SPATA9: variants seen among roughly 807,000 people sequenced by gnomAD.
SPATA9 encodes spermatogenesis associated 9.
SPATA9 carries 27 observed loss-of-function variants against 25.5 expected under a neutral mutation model. That is an observed-to-expected ratio of 1.06 (90% CI 0.78 to 1.46). The LOEUF (loss-of-function observed/expected upper bound fraction) is 1.46, where lower values mean the gene tolerates loss of function less well. SPATA9 is among the 40% of genes most tolerant of loss of function. The probability of loss-of-function intolerance (pLI) is 0.00; values close to 1 mark genes in which losing one functional copy is unlikely to be tolerated. For missense variants in SPATA9, 282 were observed against 297.5 expected (o/e 0.95, Z 0.38); for synonymous variants, 102 against 105.7 (o/e 0.97, Z 0.21).
intron 1 of SPATA9, among the ~76,000 whole-genome samples, chr5:95,692,616 A>G (rs556742898): frequency 6.6e-6 from 1 of 152,152 alleles, no homozygotes; most frequent in East Asian, 1.9e-4. Context: ...TAATGAAAGT[A>G]CTCTAAATAT....
chr5:95,701,074 T>C (rs538360591), upstream of SPATA9, among the ~76,000 whole-genome samples: 270 of 152,362 alleles, frequency 1.8e-3, no homozygotes, highest in South Asian at 6.8e-3. Flanking sequence ...GTAACACATA[T>C]GTATTTTACA....
At chr5:95,685,134 C>T (rs2112698043), upstream of SPATA9, among the ~76,000 whole-genome samples, 1 of 152,282 alleles carries the variant, frequency 6.6e-6, no homozygotes, top group African/African-American at 2.4e-5. Flanking sequence ...AAGCCTCTTA[C>T]CTTTTAAAAA....
At chr5:95,713,577 C>A in the SPATA9 span, 1 of 152,268 alleles carries the variant, frequency 6.6e-6, no homozygotes, top group Non-Finnish European at 1.5e-5. Flanking sequence ...GAATCCTGTA[C>A]AGCCTGCAGA....
the SPATA9 span, chr5:95,731,131 T>C: frequency 9.7e-7 from 1 of 1,026,670 alleles, no homozygotes; most frequent in Non-Finnish European, 1.2e-6. Context: ...TATTAATTTA[T>C]ATTCCGCGGC....
chr5:95,669,057 G>T (rs1467694434), intron 3 of SPATA9, among the ~76,000 whole-genome samples: 1 of 152,200 alleles, frequency 6.6e-6, no homozygotes, highest in Non-Finnish European at 1.5e-5. Context: ...CTGCACAAAT[G>T]TGTCTTTACT....
At chr5:95,715,322 CA>C in the SPATA9 span, among the ~76,000 whole-genome samples, 2,758 of 67,238 alleles carry the variant, frequency 0.041, 54 homozygotes, top group African/African-American at 0.11. Flanking sequence ...GATTCCATCT[CA>C]AAAAAAAAAA....
the SPATA9 span, among the ~76,000 whole-genome samples, chr5:95,722,495 G>A: frequency 6.6e-6 from 1 of 151,956 alleles, no homozygotes; most frequent in African/African-American, 2.4e-5. Context: ...TAATGTAAAA[G>A]AGGTTTTTTT....
intron 2 of SPATA9, among the ~76,000 whole-genome samples, chr5:95,681,413 C>G (rs760980331): frequency 1.9e-4 from 29 of 152,154 alleles, no homozygotes; most frequent in Non-Finnish European, 7.3e-5. Flanking sequence ...ACCTTGAAAA[C>G]TACTATTCAT....
At chr5:95,731,553 G>A in the SPATA9 span, 1 of 1,454,246 alleles carries the variant, frequency 6.9e-7, no homozygotes. Flanking sequence ...GCCCCGCCGC[G>A]GTGGAGGCGC....
rs1404942867 is a variant in SPATA9, at chr5:95,680,714, A to G, written c.150+1814T>C. ...TATACACTATAACAACACACTATAC[A>G]CTGATGATTCCCAAATATACATCTT... On this transcript the variant is annotated intron_variant, in intron 2 of 4. Coordinates refer to ENST00000274432, the MANE Select transcript of SPATA9 (RefSeq NM_031952.4). 5.3e-5 allele frequency among the ~76,000 whole-genome samples: 8 copies of G among 152,118 alleles called. No homozygotes were observed. The East Asian group carries it at 5.8e-4, about 11-fold the overall frequency.
At chr5:95,711,523 C>T in the SPATA9 span, among the ~76,000 whole-genome samples, 1 of 151,476 alleles carries the variant, frequency 6.6e-6, no homozygotes, top group African/African-American at 2.5e-5. Flanking sequence ...ACTTGTGCCT[C>T]TCTCAGTGGT....
chr5:95,688,328 C>T lies in SPATA9; in HGVS notation n.124+10260G>A, dbSNP rs1044356094. Among the ~76,000 whole-genome samples, 6 of 152,202 alleles carry T rather than the reference C, an allele frequency of 3.9e-5. No individual in the cohort carries two copies. In the South Asian group the frequency reaches 1.0e-3, roughly 26 times the overall value. On this transcript the variant is annotated intron_variant and non_coding_transcript_variant, in intron 1 of 2. Coordinates refer to the SPATA9 transcript ENST00000379990. ...GGTGCAGTGGTGTGATCAAAACTCACTGCAGCCCCAAACTCCTGGTTTCAA... is the reference window on the plus strand; with the variant it reads ...GGTGCAGTGGTGTGATCAAAACTCATTGCAGCCCCAAACTCCTGGTTTCAA...
chr5:95,665,580 A>G (rs1751716188), intron 3 of SPATA9, among the ~76,000 whole-genome samples: 1 of 152,258 alleles, frequency 6.6e-6, no homozygotes, highest in Non-Finnish European at 1.5e-5. Flanking sequence ...ATAGTATTCA[A>G]TTGTGTATAT....
At chr5:95,691,108 T>C (rs1833593) in intron 1 of SPATA9, among the ~76,000 whole-genome samples, 31,731 of 151,376 alleles carry the variant, frequency 0.21, 3,900 homozygotes, top group African/African-American at 0.35. Flanking sequence ...ACCAGCTACT[T>C]GGGAGGCTGA....
chr5:95,693,883 G>A (rs1203761322), intron 1 of SPATA9, among the ~76,000 whole-genome samples: 4 of 152,198 alleles, frequency 2.6e-5, no homozygotes. Flanking sequence ...GCAAAGTCCA[G>A]ACCAGGTGGT....
intron 3 of SPATA9, 103 bp from the exon 4 acceptor site, chr5:95,664,151 GA>G: frequency 3.4e-6 from 2 of 590,150 alleles, no homozygotes; most frequent in Non-Finnish European, 5.4e-6. Flanking sequence ...TTTTTCTAAA[GA>G]AAGTCATCTA....
In SPATA9 at chr5:95,675,267, A is replaced by T. The variant is rs1389571962; in HGVS notation, c.378+145T>A. 14 of 681,094 alleles carry T rather than the reference A, an allele frequency of 2.1e-5. No homozygotes were observed. The Admixed American group carries it at 2.5e-4, about 12-fold the overall frequency. 42.2% of individuals were successfully genotyped at this position (681,094 alleles called of 1,614,324 possible). Reference sequence around the variant, plus strand: ...AAAAGTCCACGTTGCACTATATTTTAAAAAGCCCCAACCATTCATTTCTCT... The same window carrying T: ...AAAAGTCCACGTTGCACTATATTTTTAAAAGCCCCAACCATTCATTTCTCT... On this transcript the variant is annotated intron_variant, in intron 3 of 4. Coordinates refer to ENST00000274432, the MANE Select transcript of SPATA9 (RefSeq NM_031952.4).
At chr5:95,717,584 G>C in the SPATA9 span, 1 of 152,258 alleles carries the variant, frequency 6.6e-6, no homozygotes, top group African/African-American at 2.4e-5. Flanking sequence ...AAGGGGAGGA[G>C]CCAGGGGAAG....
At chr5:95,681,770 T>G (rs754685454) in intron 2 of SPATA9, among the ~76,000 whole-genome samples, 2 of 152,226 alleles carry the variant, frequency 1.3e-5, no homozygotes, top group Non-Finnish European at 2.9e-5. Context: ...AGAGTGCTTT[T>G]TGTTAACTGC....
Sources: allele counts gnomAD v4.1 joint callset (sites outside exome capture counted in the v4.1 genomes callset), GRCh38; gene constraint gnomAD v4.1.1; transcripts MANE v1.5; gene names NCBI Gene and HGNC (gene_info 2026-07-23, HGNC 2026-07-21).